Variants in PCF11 observed in about 807,000 individuals in gnomAD.
PCF11 encodes the protein PCF11 cleavage and polyadenylation factor subunit, also known as pre-mRNA cleavage complex 2 protein Pcf11.
Under a neutral mutation model 166.1 loss-of-function variants are expected in PCF11, and 19 were observed. That is an observed-to-expected ratio of 0.11 (90% CI 0.08 to 0.17). The LOEUF (loss-of-function observed/expected upper bound fraction) is 0.17, where lower values mean the gene tolerates loss of function less well. Among genes scored for constraint, PCF11 ranks in the 10% least tolerant of loss-of-function variants. The probability of loss-of-function intolerance (pLI) is 1.00; values close to 1 mark genes in which losing one functional copy is unlikely to be tolerated. For synonymous variants in PCF11, 663 were observed against 644.1 expected, an observed-to-expected ratio of 1.03 and a Z score of -0.44; for missense variants, 1,565 against 1,855.5, an observed-to-expected ratio of 0.84 and a Z score of 2.88.
At chr11:83,174,149 T>G (rs1388058775) in intron 9 of PCF11, among the ~76,000 whole-genome samples, 1 of 152,212 alleles carries the variant, frequency 6.6e-6, no homozygotes, top group Non-Finnish European at 1.5e-5. Flanking sequence ...AGGTGTGTCT[T>G]CATTCTTCAA....
chr11:83,169,019 A>G (rs1439813358), exon 8 of PCF11: 1 of 1,613,738 alleles, frequency 6.2e-7, no homozygotes, highest in South Asian at 1.1e-5. Flanking sequence ...GAGGGACCTC[A>G]TGGTCAGCCT....
At chr11:83,161,241 C>G (rs750676707) in intron 1 of PCF11, 86 bp from the exon 2 acceptor site, 39 of 1,022,284 alleles carry the variant, frequency 3.8e-5, no homozygotes, top group Non-Finnish European at 5.6e-5. Flanking sequence ...AAATAGAGGT[C>G]TGTATTGTAG....
chr11:83,171,567 C>G (rs904630034), intron 8 of PCF11, among the ~76,000 whole-genome samples: 1 of 152,270 alleles, frequency 6.6e-6, no homozygotes, highest in East Asian at 1.9e-4. Flanking sequence ...TAGTAGGTAC[C>G]TTAAACTTTT....
Position 83,183,035 on chromosome 11 carries a change from C to T in PCF11, c.4417-3C>T. On this transcript the variant is annotated splice_region_variant and splice_polypyrimidine_tract_variant and intron_variant, in intron 14 of 15. Coordinates refer to ENST00000298281, the Ensembl canonical transcript of PCF11. ...ATATTTACTTTTTTTCTTTTTGCTT[C>T]AGATTTATCATCCATCATGTTATGA... The T allele has an allele frequency of 7.0e-7, 1 of 1,428,408 alleles. No homozygotes were observed. Among genetic ancestry groups the T allele is most frequent in the Non-Finnish European group, 9.7e-7 (1 of 1,031,028 alleles). 88.5% of individuals were successfully genotyped at this position (1,428,408 alleles called of 1,614,324 possible).
At chr11:83,174,169 AC>A (rs1860796134) in intron 9 of PCF11, among the ~76,000 whole-genome samples, 1 of 152,138 alleles carries the variant, frequency 6.6e-6, no homozygotes, top group African/African-American at 2.4e-5. Flanking sequence ...AGTTCTTCTT[AC>A]TCTTAAAAGA....
At position 83,157,785 on chromosome 11, in the gene PCF11, G is replaced by C. The variant is rs1257518517; in HGVS notation, c.192+154G>C. On this transcript the variant is annotated intron_variant, in intron 1 of 15. Transcript: ENST00000298281. The stretch of plus-strand genomic sequence containing the variant: ...CAACTCAGGCTCGGTCTTTGGCCCA[G>C]GCTTCGAGCATGGGCCTCTGGGGGG... 22 of 681,304 alleles carry C rather than the reference G, an allele frequency of 3.2e-5. No homozygotes were observed. In the East Asian group the frequency reaches 5.9e-4, roughly 18 times the overall value. 42.2% of individuals were successfully genotyped at this position (681,304 alleles called of 1,614,324 possible).
At chr11:83,181,124 G>A in exon 12 of PCF11, 1 of 1,610,536 alleles carries the variant, frequency 6.2e-7, no homozygotes, top group Non-Finnish European at 8.5e-7. Flanking sequence ...TGGCATTATC[G>A]GCAAAATAGA....
intron 11 of PCF11, among the ~76,000 whole-genome samples, chr11:83,179,447 A>T (rs1861007616): frequency 6.6e-6 from 1 of 151,830 alleles, no homozygotes; most frequent in Non-Finnish European, 1.5e-5. Context: ...ATGGGGTTTC[A>T]TCATGTTGTC....
intron 2 of PCF11, 114 bp downstream of exon 2, chr11:83,161,566 G>T: frequency 1.4e-6 from 1 of 737,950 alleles, no homozygotes. Flanking sequence ...TATACTTTTG[G>T]ACATTTATCG....
chr11:83,176,802 G>A (rs763384334), intron 9 of PCF11, among the ~76,000 whole-genome samples: 3 of 151,426 alleles, frequency 2.0e-5, no homozygotes, highest in Non-Finnish European at 2.9e-5. Flanking sequence ...AAACCTGCAC[G>A]TTGTGCACAT....
exon 5 of PCF11, chr11:83,165,994 C>G (rs746563114): frequency 6.3e-7 from 1 of 1,597,398 alleles, no homozygotes; most frequent in Non-Finnish European, 8.5e-7. Flanking sequence ...AAATCGAAAT[C>G]GAAATCGAAA....
rs756579263 is a variant in PCF11, at chr11:83,177,861, TTAA to T, written c.3983+46_3983+48del. ...TCTTTAAGATAAAGAGGCAGTGACT[TTAA>T]TAACACTGTTATAGTGGACATTGTT... On this transcript the variant is annotated intron_variant, in intron 11 of 15. Coordinates refer to ENST00000298281, the Ensembl canonical transcript of PCF11. 6.9e-5 allele frequency: 60 copies of T among 866,506 alleles called. No individual in the cohort carries two copies. The African/African-American group carries it at 9.8e-4, about 14-fold the overall frequency. The allele number at this position is 866,506 out of a possible 1,614,324, so 53.7% of individuals were successfully genotyped here.
At chr11:83,170,074 CAT>C in intron 8 of PCF11, 79 bp downstream of exon 8, 2 of 1,212,664 alleles carry the variant, frequency 1.6e-6, no homozygotes, top group Non-Finnish European at 1.1e-6. Flanking sequence ...GTTTTCAGGA[CAT>C]AGTTTATTGT....
exon 16 of PCF11, chr11:83,186,772 C>G (rs562742767): frequency 1.3e-5 from 2 of 152,274 alleles, no homozygotes; most frequent in South Asian, 4.1e-4. Flanking sequence ...GCTGAACTTA[C>G]GTATATGAAC....
intron 5 of PCF11, 22 bp downstream of exon 5, chr11:83,166,736 T>G (rs367984812): frequency 1.8e-4 from 280 of 1,555,168 alleles, no homozygotes; most frequent in Non-Finnish European, 2.3e-4. Flanking sequence ...ACATTTTAAG[T>G]CAAGTGTAGT....
chr11:83,177,729 C>T (rs764358941), exon 11 of PCF11: 1 of 1,531,522 alleles, frequency 6.5e-7, no homozygotes, highest in South Asian at 1.2e-5. Context: ...AGTGAAGTAA[C>T]TGCTCAGCCT....
At chr11:83,176,603 G>A (rs568209325) in intron 9 of PCF11, among the ~76,000 whole-genome samples, 3 of 151,010 alleles carry the variant, frequency 2.0e-5, no homozygotes, top group Non-Finnish European at 4.4e-5. Flanking sequence ...AACAAACACC[G>A]CATGTTCTCA....
chr11:83,172,263 AG>A (rs1860715423), intron 9 of PCF11, among the ~76,000 whole-genome samples: 1 of 152,210 alleles, frequency 6.6e-6, no homozygotes, highest in Non-Finnish European at 1.5e-5. Flanking sequence ...GTGAATACTG[AG>A]GATACTGCAT....
chr11:83,164,228 G>C (rs1860365950), exon 4 of PCF11: 21 of 1,612,438 alleles, frequency 1.3e-5, no homozygotes, highest in Non-Finnish European at 1.5e-5. Flanking sequence ...TTCAACACCT[G>C]GTACAGTGGT....
Sources: gnomAD v4.1 joint callset for allele counts (sites outside exome capture counted in the v4.1 genomes callset) on GRCh38, gnomAD v4.1.1 for gene constraint, MANE v1.5 for transcripts, NCBI Gene and HGNC (gene_info 2026-07-23, HGNC 2026-07-21) for gene names.